The following RAG1 variants were observed in gnomAD, a reference collection of about 807,000 sequenced individuals.
The protein encoded by RAG1 is recombination activating 1, also known as V(D)J recombination-activating protein 1.
A neutral mutation model predicts 62.7 loss-of-function variants in RAG1; 35 were observed. The observed-to-expected ratio is 0.56, with a 90% confidence interval of 0.43 to 0.74. The LOEUF (loss-of-function observed/expected upper bound fraction) is 0.74, where lower values mean the gene tolerates loss of function less well. RAG1 is among the 30% of genes least tolerant of loss of function. The probability of loss-of-function intolerance (pLI) is 0.00; values close to 1 mark genes in which losing one functional copy is unlikely to be tolerated. For synonymous variants in RAG1, 461 were observed against 470.3 expected (o/e 0.98, Z 0.26); for missense variants, 1,169 against 1,278.6 (o/e 0.91, Z 1.31).
chr11:36,530,918 A>G (rs1860243399), intron 2 of RAG1, among the ~76,000 whole-genome samples: 1 of 152,012 alleles, frequency 6.6e-6, no homozygotes, highest in Non-Finnish European at 1.5e-5. Context: ...AAAGTCTTCA[A>G]CCATAACTGT....
rs534532922 is a variant in RAG1 at position 36,514,065 on chromosome 11, GT to G, written n.330+3028del. Among the ~76,000 whole-genome samples, 261 of 152,272 alleles carry G rather than the reference GT, an allele frequency of 1.7e-3. 1 individual carries two copies. The highest frequency in any genetic ancestry group is 3.2e-3 in the Non-Finnish European group (216 of 68,020). On this transcript the variant is annotated intron_variant and non_coding_transcript_variant, in intron 1 of 2. Transcript: ENST00000529126. ...TGCTATGAGGGAAAAGCCCTGCCCT[GT>G]CCTGAGGACACCCAAGTAGCCCTTT...
chr11:36,537,175 GTAAGA>G (rs1860343941), downstream of RAG1, among the ~76,000 whole-genome samples: 1 of 152,126 alleles, frequency 6.6e-6, no homozygotes. Context: ...CCTCAGTTAT[GTAAGA>G]TGAGTAAGTT....
chr11:36,563,379 C>T (rs1237329693), upstream of RAG1: 5 of 152,264 alleles, frequency 3.3e-5, no homozygotes, highest in East Asian at 3.9e-4. Flanking sequence ...CTTCTCCTGC[C>T]CTCAGACATC....
chr11:36,530,268 A>C (rs1243843001), intron 2 of RAG1, among the ~76,000 whole-genome samples: 2 of 151,988 alleles, frequency 1.3e-5, no homozygotes, highest in Non-Finnish European at 2.9e-5. Context: ...TGACATTTTC[A>C]AATAATGAGT....
rs773742414 is a variant in RAG1, at chr11:36,573,698, C to T, written c.394C>T (p.Pro132Ser). The T allele has an allele frequency of 3.3e-5, 53 of 1,613,950 alleles. No homozygotes were observed. The highest frequency in any genetic ancestry group is 2.3e-4 in the Admixed American group (14 of 59,998). ...CAACAGGAGATATCCAGTCCATGGT[C>T]CTGTGGATGGTAAAACCCTAGGCCT... ...EHNRRYPVHGPVDGKTLGLLR... is the reference protein window; with the variant it reads ...EHNRRYPVHGSVDGKTLGLLR... The change falls in exon 2 of 2, where the codon CCT becomes TCT. Residue 132 changes from proline (P) to serine (S), a missense_variant. By Grantham distance (74) the Pro-to-Ser change is moderately conservative. Around this residue, in one of 2 missense-constraint regions of RAG1, gnomAD observed 369 missense variants for 335.3 expected, o/e 1.10. Coordinates refer to ENST00000299440, the MANE Select transcript of RAG1 (RefSeq NM_000448.3).
intron 1 of RAG1, 75 bp downstream of exon 1, chr11:36,568,197 GC>G (rs1850686872): frequency 6.6e-6 from 1 of 152,018 alleles, no homozygotes; most frequent in African/African-American, 2.4e-5. Context: ...AAGTGCTTGA[GC>G]TTTTTTTCCT....
downstream of RAG1, among the ~76,000 whole-genome samples, chr11:36,538,693 G>A (rs148321457): frequency 0.011 from 1,746 of 152,252 alleles, 17 homozygotes; most frequent in East Asian, 0.03. Context: ...TGATTTCTTG[G>A]TTAGTGCAGT....
At chr11:36,560,700 T>TG (rs1488542632) in intron 3 of RAG1, among the ~76,000 whole-genome samples, 1 of 152,084 alleles carries the variant, frequency 6.6e-6, no homozygotes, top group Non-Finnish European at 1.5e-5. Flanking sequence ...GTGGGGACTG[T>TG]GGGGGTCTTT....
At chr11:36,572,293 A>G (rs1164411557) in intron 1 of RAG1, among the ~76,000 whole-genome samples, 1 of 152,244 alleles carries the variant, frequency 6.6e-6, no homozygotes, top group African/African-American at 2.4e-5. Flanking sequence ...AATTGGGTCT[A>G]GAGAGTACAC....
Position 36,532,579 on chromosome 11 carries a change from G to A in RAG1, n.429-3380G>A, listed in dbSNP as rs138263928. ...TGGTTTCAGTTATCCATGATTAACC[G>A]TGGCCCAAAAATATTAAATAGAAAA... On this transcript the variant is annotated intron_variant and non_coding_transcript_variant, in intron 2 of 2. Coordinates refer to the RAG1 transcript ENST00000529126. Among the ~76,000 whole-genome samples, 26 of 152,168 alleles carry A rather than the reference G, an allele frequency of 1.7e-4. No homozygotes were observed. The East Asian group carries it at 3.9e-3, about 23-fold the overall frequency.
At chr11:36,523,823 C>G (rs1395939835) in intron 2 of RAG1, among the ~76,000 whole-genome samples, 1 of 152,078 alleles carries the variant, frequency 6.6e-6, no homozygotes, top group Non-Finnish European at 1.5e-5. Flanking sequence ...TTATGCTTTA[C>G]TCGGTTTCTA....
intron 2 of RAG1, among the ~76,000 whole-genome samples, chr11:36,527,536 C>A (rs1488475117): frequency 6.6e-6 from 1 of 152,102 alleles, no homozygotes; most frequent in Non-Finnish European, 1.5e-5. Flanking sequence ...TAGCTTTGTT[C>A]TTTTTGCTGA....
At chr11:36,551,613 T>C (rs79673486) in intron 3 of RAG1, among the ~76,000 whole-genome samples, 2 of 151,042 alleles carry the variant, frequency 1.3e-5, no homozygotes, top group African/African-American at 4.9e-5. Context: ...TTTTTTTTTT[T>C]TTTTTTATTA....
In RAG1 at chr11:36,515,670, G is replaced by A. The variant is rs1423607825; in HGVS notation, n.331-4462G>A. ...GCAGTGGGAGGGGGTGACAAAGAGG[G>A]AAGGGAAGGTGTGTGGACATGTGGA... On this transcript the variant is annotated intron_variant and non_coding_transcript_variant, in intron 1 of 2. Transcript: ENST00000529126. The A allele has an allele frequency of 3.3e-5, 5 of 152,906 alleles. No individual in the cohort carries two copies. In the Admixed American group the frequency reaches 3.3e-4, roughly 10 times the overall value. 9.5% of individuals were successfully genotyped at this position (152,906 alleles called of 1,614,324 possible).
Position 36,576,976 on chromosome 11 carries a change from G to A in RAG1, c.*540G>A, listed in dbSNP as rs1157134086. On this transcript the variant is annotated 3_prime_UTR_variant, in exon 2 of 2. Transcript: ENST00000299440. ...ATTTTTCTAATAATATCTTACATTT[G>A]TACAGCATGATGACCTTTACAAAGT... 1.7e-5 allele frequency: 3 copies of A among 174,464 alleles called. No individual in the cohort carries two copies. The highest frequency in any genetic ancestry group is 1.4e-5 in the Non-Finnish European group (1 of 72,166). The allele number at this position is 174,464 out of a possible 1,614,324, so 10.8% of individuals were successfully genotyped here. A position where few individuals can be genotyped will look rare whatever the true frequency, so the allele number is the denominator to read the frequency against.
chr11:36,559,998 C>G (rs919548170), intron 3 of RAG1, among the ~76,000 whole-genome samples: 1 of 152,180 alleles, frequency 6.6e-6, no homozygotes, highest in Non-Finnish European at 1.5e-5. Context: ...TCCAATTTTA[C>G]AGACTAGCTT....
chr11:36,529,067 A>G lies in RAG1; in HGVS notation n.429-6892A>G, dbSNP rs150365806. 4.4e-3 allele frequency among the ~76,000 whole-genome samples: 669 copies of G among 152,264 alleles called. 2 individuals carry two copies. The highest frequency in any genetic ancestry group is 7.7e-3 in the Non-Finnish European group (522 of 68,002). Reference sequence around the variant, plus strand: ...CAGCCAAATTCTACCAGAGGTACATAGAGGAGCTGGTACCATTCCTTCTGA... The same window carrying G: ...CAGCCAAATTCTACCAGAGGTACATGGAGGAGCTGGTACCATTCCTTCTGA... On this transcript the variant is annotated intron_variant and non_coding_transcript_variant, in intron 2 of 2. Transcript: ENST00000529126.
At chr11:36,559,876 C>T (rs1850556560) in intron 3 of RAG1, among the ~76,000 whole-genome samples, 1 of 152,104 alleles carries the variant, frequency 6.6e-6, no homozygotes, top group African/African-American at 2.4e-5. Flanking sequence ...AGATTTTCTT[C>T]TTTAGGGTCT....
chr11:36,514,634 A>G (rs1590657160), intron 1 of RAG1, among the ~76,000 whole-genome samples: 1 of 152,310 alleles, frequency 6.6e-6, no homozygotes, highest in African/African-American at 2.4e-5. Flanking sequence ...GTGATGAGAG[A>G]CAGTGGCAGA....
Sources: gnomAD v4.1 joint callset for allele counts (sites outside exome capture counted in the v4.1 genomes callset) on GRCh38, gnomAD v4.1.1 for gene constraint, gnomAD v4.1.1 regional missense constraint, MANE v1.5 for transcripts, NCBI Gene and HGNC (gene_info 2026-07-23, HGNC 2026-07-21) for gene names.